The following CHCHD3 variants were observed in gnomAD, a reference collection of about 807,000 sequenced individuals.
CHCHD3 encodes MICOS complex subunit MIC19.
A neutral mutation model predicts 38.2 loss-of-function variants in CHCHD3; 20 were observed. That is an observed-to-expected ratio of 0.52 (90% CI 0.37 to 0.76). The LOEUF (loss-of-function observed/expected upper bound fraction) is 0.76. Ranked by LOEUF, CHCHD3 falls within the 30% of genes least tolerant of loss-of-function variation. The probability of loss-of-function intolerance (pLI) is 0.00; values close to 1 mark genes in which losing one functional copy is unlikely to be tolerated. For missense variants in CHCHD3, 245 were observed against 279.2 expected, an observed-to-expected ratio of 0.88 and a Z score of 0.87; for synonymous variants, 82 against 100.0, an observed-to-expected ratio of 0.82 and a Z score of 1.07.
chr7:133,040,058 T>C (rs1387343067), intron 2 of CHCHD3, among the ~76,000 whole-genome samples: 1 of 152,210 alleles, frequency 6.6e-6, no homozygotes, highest in Non-Finnish European at 1.5e-5. Flanking sequence ...GGAACCTATA[T>C]TCGACCCCAC....
chr7:132,943,330 A>G (rs1392651594), intron 4 of CHCHD3, among the ~76,000 whole-genome samples: 1 of 152,142 alleles, frequency 6.6e-6, no homozygotes, highest in Non-Finnish European at 1.5e-5. Context: ...ATATTTTTTG[A>G]GTGTAAATAT....
chr7:132,987,757 CT>C (rs1440493457), intron 3 of CHCHD3, among the ~76,000 whole-genome samples: 1 of 151,880 alleles, frequency 6.6e-6, no homozygotes, highest in Non-Finnish European at 1.5e-5. Flanking sequence ...TTTAGAGAAA[CT>C]AAAAAAAGCA....
intron 3 of CHCHD3, among the ~76,000 whole-genome samples, chr7:132,982,806 ACACAC>A (rs1811952819): frequency 6.6e-6 from 1 of 152,160 alleles, no homozygotes; most frequent in Non-Finnish European, 1.5e-5. Flanking sequence ...ACCTTCAATA[ACACAC>A]GTTTGGACTG....
chr7:132,843,186 C>T (rs1461282716), intron 5 of CHCHD3, among the ~76,000 whole-genome samples: 2 of 152,126 alleles, frequency 1.3e-5, no homozygotes, highest in African/African-American at 4.8e-5. Context: ...CACAGGGGCA[C>T]ATCCACCACA....
At chr7:132,935,920 A>G (rs1414709159) in intron 4 of CHCHD3, among the ~76,000 whole-genome samples, 2 of 152,182 alleles carry the variant, frequency 1.3e-5, no homozygotes, top group Non-Finnish European at 2.9e-5. Flanking sequence ...CAGAAGAGCA[A>G]GTGAGCACAC....
rs567784735 is a variant in CHCHD3, at chr7:132,898,157, A to C, written c.370-12412T>G. Among the ~76,000 whole-genome samples the C allele has an allele frequency of 5.2e-4, 79 of 152,272 alleles. 1 individual carries two copies. Among genetic ancestry groups the C allele is most frequent in the African/African-American group, 1.8e-3 (76 of 41,542 alleles). ...TCATAAAGGCAGTGTGGACCCAAAGAGTGAGCAGTAGCAAGATTTATTGCA... is the reference window on the plus strand; with the variant it reads ...TCATAAAGGCAGTGTGGACCCAAAGCGTGAGCAGTAGCAAGATTTATTGCA... On this transcript the variant is annotated intron_variant, in intron 4 of 7. Transcript: ENST00000262570.
chr7:133,031,678 C>T (rs1434814714), intron 2 of CHCHD3, among the ~76,000 whole-genome samples: 1 of 152,098 alleles, frequency 6.6e-6, no homozygotes, highest in African/African-American at 2.4e-5. Flanking sequence ...TGATATAGGT[C>T]ATGGCCAATT....
At position 132,884,055 on chromosome 7, in the gene CHCHD3, C is replaced by T. The variant is rs528404067; in HGVS notation, c.453+1607G>A. On this transcript the variant is annotated intron_variant, in intron 5 of 7. Coordinates refer to ENST00000262570, the MANE Select transcript of CHCHD3 (RefSeq NM_017812.4). ...ATTACTTCCCCTGTCGGCACTCAGA[C>T]CCACACCAGTCATCCCTTTTCCGAA... Among the ~76,000 whole-genome samples the T allele has an allele frequency of 2.1e-4, 32 of 152,254 alleles. No individual in the cohort carries two copies. In the South Asian group the frequency reaches 4.1e-3, roughly 20 times the overall value.
chr7:132,792,916 C>T (rs886345789), intron 7 of CHCHD3, among the ~76,000 whole-genome samples: 3 of 152,212 alleles, frequency 2.0e-5, no homozygotes, highest in African/African-American at 4.8e-5. Flanking sequence ...AATGCTTAGA[C>T]TAGCAACTCC....
chr7:132,812,925 T>G (rs1279177243), intron 6 of CHCHD3, among the ~76,000 whole-genome samples: 1 of 152,210 alleles, frequency 6.6e-6, no homozygotes, highest in Non-Finnish European at 1.5e-5. Flanking sequence ...CTTCCCCTAA[T>G]GCCTACTATT....
chr7:133,017,997 T>A (rs1813075455), intron 3 of CHCHD3, among the ~76,000 whole-genome samples: 1 of 152,206 alleles, frequency 6.6e-6, no homozygotes, highest in Non-Finnish European at 1.5e-5. Context: ...TAGGACGTGT[T>A]CCTACTACAT....
chr7:132,861,516 A>G (rs1808490584), intron 5 of CHCHD3, among the ~76,000 whole-genome samples: 1 of 152,158 alleles, frequency 6.6e-6, no homozygotes. Context: ...TCCCCAGCCC[A>G]TGTCTTGGAA....
intron 5 of CHCHD3, among the ~76,000 whole-genome samples, chr7:132,880,950 T>G (rs889702784): frequency 1.3e-5 from 2 of 152,166 alleles, no homozygotes; most frequent in Non-Finnish European, 2.9e-5. Flanking sequence ...TATCTATGTC[T>G]CTTATACCAA....
chr7:133,011,610 G>A (rs929196609), intron 3 of CHCHD3, among the ~76,000 whole-genome samples: 3 of 152,152 alleles, frequency 2.0e-5, no homozygotes, highest in African/African-American at 7.2e-5. Flanking sequence ...AGTCCCATGG[G>A]GAAGGGAGCA....
intron 3 of CHCHD3, among the ~76,000 whole-genome samples, chr7:133,007,370 C>T (rs1385377829): frequency 6.6e-6 from 1 of 152,216 alleles, no homozygotes; most frequent in African/African-American, 2.4e-5. Flanking sequence ...TAACTCAATT[C>T]TACCATGGGA....
At chr7:132,821,265 T>G (rs1370628266) in intron 6 of CHCHD3, among the ~76,000 whole-genome samples, 1 of 152,196 alleles carries the variant, frequency 6.6e-6, no homozygotes, top group Non-Finnish European at 1.5e-5. Flanking sequence ...AAAACATAAA[T>G]GGACCTCATT....
intron 4 of CHCHD3, among the ~76,000 whole-genome samples, chr7:132,913,513 A>C (rs555558293): frequency 6.6e-6 from 1 of 152,238 alleles, no homozygotes; most frequent in Non-Finnish European, 1.5e-5. Flanking sequence ...TAAAGGTGGA[A>C]GCATAGGCAG....
chr7:132,787,926 G>A (rs904299958), intron 7 of CHCHD3, among the ~76,000 whole-genome samples: 1 of 152,154 alleles, frequency 6.6e-6, no homozygotes, highest in African/African-American at 2.4e-5. Flanking sequence ...AACAAAGTAG[G>A]TGCAGTGGAA....
rs904840006 is a variant in CHCHD3 at position 133,072,189 on chromosome 7, T to C, written c.82-1960A>G. Among the ~76,000 whole-genome samples the C allele has an allele frequency of 3.1e-4, 47 of 150,652 alleles. 1 individual carries two copies. Among genetic ancestry groups the C allele is most frequent in the African/African-American group, 9.7e-4 (40 of 41,028 alleles). On this transcript the variant is annotated intron_variant, in intron 1 of 7. Transcript: ENST00000262570. ...TATCTAGAAAAAAAAAAAAAAAGTG[T>C]TGGAATGTAAACTTAAAATGGATGA...
Sources: gnomAD v4.1 joint callset for allele counts (sites outside exome capture counted in the v4.1 genomes callset) on GRCh38, gnomAD v4.1.1 for gene constraint, MANE v1.5 for transcripts, NCBI Gene and HGNC (gene_info 2026-07-23, HGNC 2026-07-21) for gene names.